MROH2B: variants seen among roughly 807,000 people sequenced by gnomAD.
MROH2B encodes the protein maestro heat like repeat family member 2B.
Under a neutral mutation model 208.6 loss-of-function variants are expected in MROH2B, and 177 were observed. That is an observed-to-expected ratio of 0.85 (90% CI 0.75 to 0.96). The LOEUF is 0.96. Ranked by LOEUF, MROH2B falls within the 40% of genes least tolerant of loss-of-function variation. The pLI is 0.00. For synonymous variants in MROH2B, 728 were observed against 659.0 expected (o/e 1.10, Z -1.60); for missense variants, 2,002 against 1,878.7 (o/e 1.07, Z -1.21).
chr5:41,039,314 G>C, intron 20 of MROH2B, 134 bp downstream of exon 20: 1 of 598,304 alleles, frequency 1.7e-6, no homozygotes, highest in Non-Finnish European at 3.0e-6. Context: ...TAAAGACTGG[G>C]CTTGGACAGT....
At chr5:41,038,672 T>G in intron 21 of MROH2B, 64 bp downstream of exon 21, 1 of 1,508,606 alleles carries the variant, frequency 6.6e-7, no homozygotes, top group Non-Finnish European at 8.9e-7. Context: ...TCCCAGGGAC[T>G]GAGCCCCTGC....
intron 30 of MROH2B, among the ~76,000 whole-genome samples, chr5:41,012,064 G>A (rs138497540): frequency 6.6e-6 from 1 of 152,296 alleles, no homozygotes; most frequent in African/African-American, 2.4e-5. Flanking sequence ...TCTTAACCAA[G>A]CTTCCTGAAT....
rs774617062 is a variant in MROH2B at position 40,999,718 on chromosome 5, C to T, written c.4544G>A (p.Ser1515Asn). Residue 1515 changes from serine to asparagine, a missense_variant, in exon 40 of 42, where the codon AGC (serine) becomes AAC (asparagine). By Grantham distance (46) the Ser-to-Asn change is conservative (BLOSUM62 1). Coordinates refer to ENST00000399564, the MANE Select transcript of MROH2B (RefSeq NM_173489.5). ...LHTHSFTFFT[S>N]TWEVIRSAAV... ...TGCACTCCTGATCACCTCCCAGGTGCTGGTGAAGAAGGTGAAGGAGTGTGT... is the reference window on the plus strand; with the variant it reads ...TGCACTCCTGATCACCTCCCAGGTGTTGGTGAAGAAGGTGAAGGAGTGTGT... The T allele has an allele frequency of 4.3e-6, 7 of 1,613,614 alleles. No individual in the cohort carries two copies. In the South Asian group the frequency reaches 7.7e-5, roughly 18 times the overall value.
In MROH2B at chr5:41,049,400, C is replaced by A. The variant is rs777911839; in HGVS notation, c.1381G>T (p.Ala461Ser). The A allele has an allele frequency of 1.2e-6, 2 of 1,613,440 alleles. No homozygotes were observed. The highest frequency in any genetic ancestry group is 2.2e-5 in the South Asian group (2 of 90,996). Reference protein sequence around the residue: ...WPRILTFVVPAEYTEALEPLF... With the variant: ...WPRILTFVVPSEYTEALEPLF... ...GGCTCCAGAGCTTCTGTGTATTCTGCAGGTACCACAAAAGTCAGGATCCTT... is the reference window on the plus strand; with the variant it reads ...GGCTCCAGAGCTTCTGTGTATTCTGAAGGTACCACAAAAGTCAGGATCCTT... The change falls in exon 14 of 42, where the codon GCA becomes TCA. Residue 461 changes from alanine to serine, a missense_variant. Transcript: ENST00000399564.
At chr5:41,065,997 G>A (rs988810833) in intron 3 of MROH2B, among the ~76,000 whole-genome samples, 3 of 152,162 alleles carry the variant, frequency 2.0e-5, no homozygotes, top group East Asian at 3.9e-4. Flanking sequence ...AATTTAAAAC[G>A]CTGGTTTTAA....
At chr5:41,035,206 T>A (rs1276221207) in intron 21 of MROH2B, among the ~76,000 whole-genome samples, 1 of 151,954 alleles carries the variant, frequency 6.6e-6, no homozygotes, top group Non-Finnish European at 1.5e-5. Context: ...GCTATAGTAA[T>A]CAAAACAGCA....
intron 41 of MROH2B, 54 bp downstream of exon 41, chr5:40,998,558 C>A: frequency 2.1e-6 from 3 of 1,432,394 alleles, no homozygotes; most frequent in Non-Finnish European, 2.9e-6. Flanking sequence ...GCAATATTTT[C>A]TCTTTTCCTA....
intron 37 of MROH2B, among the ~76,000 whole-genome samples, chr5:41,002,347 G>C (rs894435622): frequency 2.6e-5 from 4 of 152,188 alleles, no homozygotes; most frequent in Non-Finnish European, 5.9e-5. Context: ...GAGTCACAGA[G>C]GGTAAAGCGA....
intron 24 of MROH2B, among the ~76,000 whole-genome samples, chr5:41,021,034 T>C (rs947629763): frequency 2.6e-5 from 4 of 152,212 alleles, no homozygotes; most frequent in Non-Finnish European, 5.9e-5. Flanking sequence ...CAGTCTTATA[T>C]GTAGGAGCTC....
rs193065609 is a variant in MROH2B at position 41,022,631 on chromosome 5, T to C, written c.2442-3613A>G. Among the ~76,000 whole-genome samples the C allele has an allele frequency of 5.6e-3, 856 of 152,330 alleles. 5 individuals are homozygous for C. The highest frequency in any genetic ancestry group is 0.02 in the South Asian group (95 of 4,822). Reference sequence around the variant, plus strand: ...AGACTCCACCTCTGGTGGCAGGGCATAGCCGAACAAAAGGCAGCAGAAACC... The same window carrying C: ...AGACTCCACCTCTGGTGGCAGGGCACAGCCGAACAAAAGGCAGCAGAAACC... On this transcript the variant is annotated intron_variant, in intron 24 of 41. Transcript: ENST00000399564.
intron 2 of MROH2B, 110 bp downstream of exon 2, chr5:41,069,581 A>G (rs1440243625): frequency 1.3e-6 from 1 of 796,522 alleles, no homozygotes; most frequent in Non-Finnish European, 2.1e-6. Context: ...ATCTAATGCC[A>G]TGTAACAAGC....
intron 6 of MROH2B, among the ~76,000 whole-genome samples, chr5:41,060,642 A>G (rs1743607775): frequency 6.6e-6 from 1 of 152,204 alleles, no homozygotes. Context: ...GCAGCTCACC[A>G]GGGCAGTTAA....
chr5:41,010,854 G>A (rs57876077), intron 30 of MROH2B, among the ~76,000 whole-genome samples: 4,651 of 152,212 alleles, frequency 0.031, 247 homozygotes, highest in East Asian at 0.26. Flanking sequence ...ATTGACAGTC[G>A]GGAGGCTGTG....
chr5:41,045,236 CATT>C (rs1479759275), intron 18 of MROH2B, among the ~76,000 whole-genome samples: 1 of 152,194 alleles, frequency 6.6e-6, no homozygotes, highest in Admixed American at 6.5e-5. Flanking sequence ...GTCCTTTAAT[CATT>C]GTTATCCATG....
intron 18 of MROH2B, among the ~76,000 whole-genome samples, chr5:41,043,701 C>G (rs1479980239): frequency 6.6e-6 from 1 of 152,144 alleles, no homozygotes; most frequent in Admixed American, 6.5e-5. Flanking sequence ...TCCATGTCTC[C>G]TTACTATGGG....
intron 5 of MROH2B, among the ~76,000 whole-genome samples, chr5:41,062,561 A>G (rs1391170408): frequency 6.6e-6 from 1 of 152,262 alleles, no homozygotes; most frequent in African/African-American, 2.4e-5. Context: ...CATTTGGGCC[A>G]CGAATCCATA....
chr5:41,005,447 T>G, intron 35 of MROH2B, 84 bp downstream of exon 35: 1 of 343,368 alleles, frequency 2.9e-6, no homozygotes, highest in Non-Finnish European at 5.5e-6. Flanking sequence ...CTTCCCTGGT[T>G]CCAGTGCACA....
chr5:41,022,164 A>G (rs529723354), intron 24 of MROH2B, among the ~76,000 whole-genome samples: 2 of 152,268 alleles, frequency 1.3e-5, no homozygotes, highest in African/African-American at 4.8e-5. Flanking sequence ...CCACTGAGGT[A>G]CCAGGTACAT....
rs766217356 is a variant in MROH2B, at chr5:41,000,291, C to A, written c.4411G>T (p.Val1471Leu). 4.3e-6 allele frequency: 7 copies of A among 1,613,784 alleles called. No individual in the cohort carries two copies. The highest frequency in any genetic ancestry group is 2.2e-5 in the East Asian group (1 of 44,892). The change falls in exon 39 of 42, where the codon GTA (valine) becomes TTA (leucine). Residue 1471 changes from valine to leucine, a missense_variant. Physicochemically the swap from Val to Leu is conservative, Grantham distance 32. Transcript: ENST00000399564. Reference sequence around the variant, plus strand: ...TCCTGATCAAGGAGACGGTCTAATACCCCATAGAGCTCCTGGAGGCCCAAA... The same window carrying A: ...TCCTGATCAAGGAGACGGTCTAATAACCCATAGAGCTCCTGGAGGCCCAAA... Reference protein sequence around the residue: ...PFLGLQELYGVLDRLLDQDLP... With the variant: ...PFLGLQELYGLLDRLLDQDLP...
Sources: allele counts gnomAD v4.1 joint callset (sites outside exome capture counted in the v4.1 genomes callset), GRCh38; gene constraint gnomAD v4.1.1; transcripts MANE v1.5; gene names NCBI Gene and HGNC (gene_info 2026-07-23, HGNC 2026-07-21).